FGD6: variants seen among roughly 807,000 people sequenced by gnomAD.
The protein encoded by FGD6 is FYVE, RhoGEF and PH domain containing 6.
Under a neutral mutation model 149.4 loss-of-function variants are expected in FGD6, and 90 were observed. The ratio of observed to expected loss-of-function variants is 0.60; its 90% CI spans 0.51 to 0.72. FGD6 has a LOEUF of 0.72. FGD6 is among the 30% of genes least tolerant of loss of function. The pLI, the probability that FGD6 is intolerant of heterozygous loss-of-function variation, is 0.00. For synonymous variants in FGD6, 527 were observed against 584.0 expected (o/e 0.90, Z 1.41); for missense variants, 1,437 against 1,684.8 (o/e 0.85, Z 2.57).
At chr12:95,092,569 A>T in intron 16 of FGD6, 130 bp downstream of exon 16, 2 of 986,098 alleles carry the variant, frequency 2.0e-6, no homozygotes, top group Non-Finnish European at 2.8e-6. Flanking sequence ...TGCTACCATT[A>T]ACATAATAAT....
At chr12:95,146,807 T>A (rs1258069584) in intron 5 of FGD6, among the ~76,000 whole-genome samples, 1 of 152,196 alleles carries the variant, frequency 6.6e-6, no homozygotes, top group African/African-American at 2.4e-5. Context: ...TTTAAGTTGA[T>A]CTTTAATTCT....
intron 3 of FGD6, among the ~76,000 whole-genome samples, chr12:95,168,790 CT>C (rs1302824634): frequency 1.2e-4 from 18 of 152,270 alleles, no homozygotes; most frequent in East Asian, 1.9e-4. Context: ...CAAGTGTCCA[CT>C]TTTTTTCCTC....
chr12:95,145,140 A>T (rs1228771577), intron 5 of FGD6, among the ~76,000 whole-genome samples: 1 of 151,734 alleles, frequency 6.6e-6, no homozygotes, highest in Non-Finnish European at 1.5e-5. Flanking sequence ...GGTGTGTGCC[A>T]CCACATTTGG....
Position 95,210,359 on chromosome 12 carries a change from T to A in FGD6, c.925A>T (p.Thr309Ser). The A allele has an allele frequency of 6.2e-7, 1 of 1,613,524 alleles. No individual in the cohort carries two copies. The highest frequency in any genetic ancestry group is 8.5e-7 in the Non-Finnish European group (1 of 1,179,896). Residue 309 changes from threonine (T) to serine (S), a missense_variant, in exon 2 of 21, where the codon ACC (threonine) becomes TCC (serine). Thr to Ser is a moderately conservative substitution (Grantham distance 58). Coordinates refer to ENST00000343958, the MANE Select transcript of FGD6 (RefSeq NM_018351.4). ...GGCTTGGGAGTTGGAAATTTTGGGG[T>A]ATATGGTACTAAATGAATTTCTAAG... ...GPLEIHLVPY[T>S]PKFPTPKPRK...
At chr12:95,097,140 A>G (rs1878257931) in intron 14 of FGD6, among the ~76,000 whole-genome samples, 1 of 152,228 alleles carries the variant, frequency 6.6e-6, no homozygotes, top group Non-Finnish European at 1.5e-5. Flanking sequence ...TTTCTCACAG[A>G]CCACACACAT....
At chr12:95,118,365 AAGAG>A (rs1414948577) in intron 8 of FGD6, among the ~76,000 whole-genome samples, 2 of 147,778 alleles carry the variant, frequency 1.4e-5, no homozygotes, top group Non-Finnish European at 3.0e-5. Context: ...AAAAAAAAGA[AAGAG>A]AGAGAGAGAA....
At chr12:95,127,869 A>G (rs1879393204) in intron 8 of FGD6, among the ~76,000 whole-genome samples, 1 of 152,216 alleles carries the variant, frequency 6.6e-6, no homozygotes, top group South Asian at 2.1e-4. Flanking sequence ...AGTGGAAAAG[A>G]CTTATCAGAG....
At chr12:95,165,525 G>A (rs1172110581) in intron 3 of FGD6, among the ~76,000 whole-genome samples, 2 of 149,404 alleles carry the variant, frequency 1.3e-5, no homozygotes, top group African/African-American at 2.5e-5. Context: ...AGTAGAGACA[G>A]GTTGGTTTCT....
intron 14 of FGD6, among the ~76,000 whole-genome samples, chr12:95,097,666 G>T (rs1878282329): frequency 7.1e-6 from 1 of 141,336 alleles, no homozygotes. Context: ...AAAAGACCAT[G>T]CCACACCATT....
chr12:95,142,816 A>G (rs1002966472), intron 5 of FGD6, among the ~76,000 whole-genome samples: 1 of 152,204 alleles, frequency 6.6e-6, no homozygotes, highest in Non-Finnish European at 1.5e-5. Flanking sequence ...TAAATTCACC[A>G]GGGTTTACAC....
intron 8 of FGD6, among the ~76,000 whole-genome samples, chr12:95,121,481 G>GTGTGTATA (rs1491167311): frequency 3.3e-5 from 4 of 121,900 alleles, no homozygotes; most frequent in African/African-American, 1.3e-4. Flanking sequence ...ATATATATAT[G>GTGTGTATA]TATATATATA....
chr12:95,211,152 C>G lies in FGD6; in HGVS notation c.132G>C (p.Ser44=). Residue 44 remains serine (S), a synonymous_variant, in exon 2 of 21, where the codon TCG becomes TCC. Coordinates refer to ENST00000343958, the MANE Select transcript of FGD6 (RefSeq NM_018351.4). ...PDIVISSVPQ[S]TKKMKPAIAP... is the part of the protein sequence containing the mutation. ...CTATTGCTGGTTTCATTTTCTTTGT[C>G]GACTGTGGAACACTAGAAATCACAA... is the stretch of plus-strand genomic sequence containing the variant. The G allele has an allele frequency of 6.2e-7, 1 of 1,614,052 alleles. No homozygotes were observed.
At chr12:95,187,600 C>T (rs530513848) in intron 2 of FGD6, among the ~76,000 whole-genome samples, 1 of 151,324 alleles carries the variant, frequency 6.6e-6, no homozygotes, top group East Asian at 1.9e-4. Context: ...TTCCAGTGAG[C>T]CAAGATTGCG....
At chr12:95,191,738 CTTTA>C (rs949394172) in intron 2 of FGD6, among the ~76,000 whole-genome samples, 28 of 152,138 alleles carry the variant, frequency 1.8e-4, no homozygotes, top group African/African-American at 6.7e-4. Context: ...CTCCTGTATA[CTTTA>C]TTTATTATTA....
At chr12:95,214,696 T>C (rs1364065810) in intron 1 of FGD6, among the ~76,000 whole-genome samples, 1 of 152,152 alleles carries the variant, frequency 6.6e-6, no homozygotes, top group African/African-American at 2.4e-5. Flanking sequence ...ATTACAAACA[T>C]ACTCGTCATC....
intron 5 of FGD6, among the ~76,000 whole-genome samples, chr12:95,145,426 G>A (rs761399726): frequency 6.6e-6 from 1 of 152,014 alleles, no homozygotes; most frequent in Non-Finnish European, 1.5e-5. Flanking sequence ...TATATTGTTC[G>A]GGTTCTTCAT....
At chr12:95,208,583 T>C (rs2056704868) in intron 2 of FGD6, among the ~76,000 whole-genome samples, 1 of 152,204 alleles carries the variant, frequency 6.6e-6, no homozygotes, top group African/African-American at 2.4e-5. Context: ...GTTCCACGCC[T>C]TCCTTGCAGC....
intron 2 of FGD6, among the ~76,000 whole-genome samples, chr12:95,203,987 T>A (rs1379371080): frequency 1.3e-5 from 2 of 152,166 alleles, no homozygotes; most frequent in Non-Finnish European, 2.9e-5. Flanking sequence ...ATAAAAATAG[T>A]AGTAAATGGG....
intron 18 of FGD6, among the ~76,000 whole-genome samples, chr12:95,087,175 T>C (rs1877908261): frequency 6.6e-6 from 1 of 152,176 alleles, no homozygotes; most frequent in Non-Finnish European, 1.5e-5. Flanking sequence ...CTTAAAAATG[T>C]AGGAGTAGAT....
Sources: gnomAD v4.1 joint callset for allele counts (sites outside exome capture counted in the v4.1 genomes callset) on GRCh38, gnomAD v4.1.1 for gene constraint, MANE v1.5 for transcripts, NCBI Gene and HGNC (gene_info 2026-07-23, HGNC 2026-07-21) for gene names.